Variants in C12orf42 observed in about 807,000 individuals in gnomAD.
C12orf42 encodes uncharacterized protein C12orf42.
C12orf42 carries 25 observed loss-of-function variants against 21.6 expected under a neutral mutation model. The observed-to-expected ratio is 1.16, with a 90% confidence interval of 0.84 to 1.62. The LOEUF is 1.62. C12orf42 is among the 40% of genes most tolerant of loss of function. The pLI, the probability that C12orf42 is intolerant of heterozygous loss-of-function variation, is 0.00. For missense variants in C12orf42, 483 were observed against 459.3 expected (o/e 1.05, Z -0.47); for synonymous variants, 174 against 175.0 (o/e 0.99, Z 0.05).
chr12:103,492,403 A>AG lies in C12orf42; in HGVS notation c.-22+3498dup, dbSNP rs1215965577. Reference sequence around the variant, plus strand: ...AAACACCTCAACTGCCTGACTTCACAGGTCTTCGTCCTAATATTCCTCTAG... The same window carrying AG: ...AAACACCTCAACTGCCTGACTTCACAGGGTCTTCGTCCTAATATTCCTCTAG... On this transcript the variant is annotated intron_variant, in intron 1 of 5. Coordinates refer to ENST00000548883, the MANE Select transcript of C12orf42 (RefSeq NM_198521.5). Among the ~76,000 whole-genome samples, 4 of 152,248 alleles carry AG rather than the reference A, an allele frequency of 2.6e-5. No homozygotes were observed. In the South Asian group the frequency reaches 6.2e-4, roughly 24 times the overall value.
chr12:103,545,631 G>T, the C12orf42 span, among the ~76,000 whole-genome samples: 1 of 152,202 alleles, frequency 6.6e-6, no homozygotes, highest in African/African-American at 2.4e-5. Flanking sequence ...CAGAAAAAAT[G>T]CATTGATGGT....
downstream of C12orf42, among the ~76,000 whole-genome samples, chr12:103,237,136 T>C (rs938896835): frequency 1.3e-5 from 2 of 152,228 alleles, no homozygotes; most frequent in African/African-American, 4.8e-5. Context: ...TTGCCTGCTC[T>C]GAAATATATC....
chr12:103,363,550 T>C (rs2044308048), intron 4 of C12orf42, among the ~76,000 whole-genome samples: 1 of 152,088 alleles, frequency 6.6e-6, no homozygotes, highest in African/African-American at 2.4e-5. Context: ...AGATACAGAA[T>C]TGCAGAACGG....
chr12:103,163,514 A>T, the C12orf42 span, among the ~76,000 whole-genome samples: 51,451 of 151,956 alleles, frequency 0.34, 9,354 homozygotes, highest in African/African-American at 0.45. Context: ...AGAAAGAGAG[A>T]ACTAGAGAAA....
chr12:103,114,514 A>G, the C12orf42 span, among the ~76,000 whole-genome samples: 1 of 152,186 alleles, frequency 6.6e-6, no homozygotes, highest in Non-Finnish European at 1.5e-5. Flanking sequence ...CCAGCACACA[A>G]GCCCTCAAGG....
the C12orf42 span, among the ~76,000 whole-genome samples, chr12:103,509,856 T>C: frequency 2.6e-5 from 4 of 152,056 alleles, no homozygotes; most frequent in Non-Finnish European, 5.9e-5. Context: ...CAAAAAATAA[T>C]AGATGTTGGC....
At chr12:103,502,564 C>A in the C12orf42 span, among the ~76,000 whole-genome samples, 4 of 152,264 alleles carry the variant, frequency 2.6e-5, no homozygotes, top group South Asian at 8.3e-4. Flanking sequence ...ATAGAACCTA[C>A]ACCTTGGTAA....
the C12orf42 span, among the ~76,000 whole-genome samples, chr12:103,212,396 G>A: frequency 9.2e-5 from 14 of 151,868 alleles, no homozygotes; most frequent in Admixed American, 7.2e-4. Context: ...TTTGTTTAAC[G>A]TTGTTGAAGA....
chr12:103,358,660 C>T (rs780889714), intron 4 of C12orf42, among the ~76,000 whole-genome samples: 1 of 151,884 alleles, frequency 6.6e-6, no homozygotes, highest in Non-Finnish European at 1.5e-5. Flanking sequence ...GCCTACCTCA[C>T]CCTTATCTAA....
At chr12:103,476,015 A>T (rs1351652818) in intron 2 of C12orf42, among the ~76,000 whole-genome samples, 1 of 152,186 alleles carries the variant, frequency 6.6e-6, no homozygotes, top group Non-Finnish European at 1.5e-5. Context: ...TGTACAGATG[A>T]GCAACAACTG....
At chr12:103,534,249 A>T in the C12orf42 span, among the ~76,000 whole-genome samples, 1 of 152,230 alleles carries the variant, frequency 6.6e-6, no homozygotes, top group African/African-American at 2.4e-5. Flanking sequence ...GTTAAACTCA[A>T]ATAAATACCA....
At chr12:103,083,596 C>T in the C12orf42 span, among the ~76,000 whole-genome samples, 4 of 152,134 alleles carry the variant, frequency 2.6e-5, no homozygotes, top group Admixed American at 6.5e-5. Context: ...CTTTTCATCT[C>T]AATGATGGAC....
At chr12:103,049,453 T>C in the C12orf42 span, among the ~76,000 whole-genome samples, 4 of 152,192 alleles carry the variant, frequency 2.6e-5, no homozygotes, top group African/African-American at 7.2e-5. Context: ...ATCTTTCACC[T>C]GGATTAAGGT....
At chr12:103,289,096 TA>T (rs990933002) in intron 4 of C12orf42, among the ~76,000 whole-genome samples, 3 of 152,180 alleles carry the variant, frequency 2.0e-5, no homozygotes, top group African/African-American at 7.2e-5. Flanking sequence ...TCTATTATCT[TA>T]TTGCTTTAGA....
intron 3 of C12orf42, among the ~76,000 whole-genome samples, chr12:103,372,850 C>T (rs892465863): frequency 6.6e-6 from 1 of 152,134 alleles, no homozygotes. Flanking sequence ...TTCATTGATA[C>T]ATTTTGAATT....
At chr12:103,319,493 C>T (rs1749362810) in intron 4 of C12orf42, among the ~76,000 whole-genome samples, 1 of 152,186 alleles carries the variant, frequency 6.6e-6, no homozygotes, top group South Asian at 2.1e-4. Context: ...CAAGAATACC[C>T]ATGCTGAGTT....
intron 2 of C12orf42, among the ~76,000 whole-genome samples, chr12:103,432,229 T>C (rs2139353851): frequency 6.6e-6 from 1 of 152,302 alleles, no homozygotes. Flanking sequence ...TAAGCATGCT[T>C]AACCCCACTT....
chr12:103,313,529 C>T (rs2039167674), intron 4 of C12orf42, among the ~76,000 whole-genome samples: 1 of 152,188 alleles, frequency 6.6e-6, no homozygotes, highest in African/African-American at 2.4e-5. Flanking sequence ...GTTACCTAGG[C>T]CCAGCTACTT....
chr12:103,223,913 T>C, the C12orf42 span, among the ~76,000 whole-genome samples: 21 of 152,192 alleles, frequency 1.4e-4, no homozygotes, highest in Admixed American at 1.2e-3. Flanking sequence ...GTCCATTCTA[T>C]TTTTCTTGAA....
Sources: gnomAD v4.1 joint callset for allele counts (sites outside exome capture counted in the v4.1 genomes callset) on GRCh38, gnomAD v4.1.1 for gene constraint, MANE v1.5 for transcripts, NCBI Gene and HGNC (gene_info 2026-07-23, HGNC 2026-07-21) for gene names.